MGAT4C: variants seen among roughly 807,000 people sequenced by gnomAD.
MGAT4C encodes alpha-1,3-mannosyl-glycoprotein 4-beta-N-acetylglucosaminyltransferase C.
In MGAT4C, 19 loss-of-function variants were observed where a neutral mutation model predicts 40.1. The ratio of observed to expected loss-of-function variants is 0.47; its 90% CI spans 0.33 to 0.70. The LOEUF (loss-of-function observed/expected upper bound fraction) is 0.70, where lower values mean the gene tolerates loss of function less well. Among genes scored for constraint, MGAT4C ranks in the 30% least tolerant of loss-of-function variants. The probability of loss-of-function intolerance (pLI) is 0.02; values close to 1 mark genes in which losing one functional copy is unlikely to be tolerated. For missense variants in MGAT4C, 491 were observed against 563.2 expected (o/e 0.87, Z 1.30); for synonymous variants, 181 against 187.1 (o/e 0.97, Z 0.27).
intron 2 of MGAT4C, among the ~76,000 whole-genome samples, chr12:86,556,817 T>C (rs1959633634): frequency 6.6e-6 from 1 of 152,166 alleles, no homozygotes; most frequent in Admixed American, 6.5e-5. Context: ...TCCTAATGAA[T>C]GAATACTGCA....
intron 2 of MGAT4C, among the ~76,000 whole-genome samples, chr12:86,638,401 T>A (rs1963284661): frequency 6.6e-6 from 1 of 151,838 alleles, no homozygotes; most frequent in South Asian, 2.1e-4. Context: ...CTATTCAAAT[T>A]CACATTTTGA....
intron 1 of MGAT4C, among the ~76,000 whole-genome samples, chr12:86,143,510 A>C (rs1883129106): frequency 6.6e-6 from 1 of 151,846 alleles, no homozygotes; most frequent in Non-Finnish European, 1.5e-5. Flanking sequence ...GGGAGAAAGA[A>C]AGACTAACTC....
intron 1 of MGAT4C, among the ~76,000 whole-genome samples, chr12:86,114,864 TA>T (rs1878123921): frequency 6.6e-6 from 1 of 151,878 alleles, no homozygotes; most frequent in Non-Finnish European, 1.5e-5. Flanking sequence ...CCTAAGGAAA[TA>T]ATGTGACGTT....
intron 2 of MGAT4C, among the ~76,000 whole-genome samples, chr12:86,550,240 C>A (rs997664466): frequency 2.0e-5 from 3 of 152,178 alleles, no homozygotes; most frequent in Non-Finnish European, 4.4e-5. Context: ...AAACCTCTTT[C>A]CTTTATAAAC....
At chr12:86,537,058 G>A (rs913059832) in intron 2 of MGAT4C, among the ~76,000 whole-genome samples, 1 of 152,166 alleles carries the variant, frequency 6.6e-6, no homozygotes, top group Non-Finnish European at 1.5e-5. Flanking sequence ...ATGAGTTCAT[G>A]TCCTTTGTAG....
intron 3 of MGAT4C, among the ~76,000 whole-genome samples, chr12:86,351,625 C>A (rs74860767): frequency 0.027 from 4,063 of 151,902 alleles, 153 homozygotes; most frequent in African/African-American, 0.086. Flanking sequence ...TGGTAATTAA[C>A]CCTGAGGAAT....
chr12:86,595,480 GAGA>G (rs1565872805), intron 2 of MGAT4C, among the ~76,000 whole-genome samples: 1 of 150,348 alleles, frequency 6.7e-6, no homozygotes. Flanking sequence ...GCAGTGAGCA[GAGA>G]TTGTACCACT....
chr12:86,827,385 T>C lies in MGAT4C; in HGVS notation c.-262+11281A>G, dbSNP rs185050680. Among the ~76,000 whole-genome samples the C allele has an allele frequency of 2.1e-3, 320 of 151,616 alleles. 1 individual carries two copies. The highest frequency in any genetic ancestry group is 3.4e-3 in the Non-Finnish European group (230 of 67,622). On this transcript the variant is annotated intron_variant, in intron 1 of 7. Transcript: ENST00000548651. ...TAGACACTATTTTTTCTTTACACTT[T>C]CCTGAATATTTCCTACTGAGTTTTT...
At chr12:86,511,748 C>A (rs1958591603) in intron 2 of MGAT4C, among the ~76,000 whole-genome samples, 1 of 151,992 alleles carries the variant, frequency 6.6e-6, no homozygotes, top group Non-Finnish European at 1.5e-5. Flanking sequence ...CAAGTCAATG[C>A]AAGATGGATT....
chr12:86,143,233 G>A (rs1883081370), intron 1 of MGAT4C, among the ~76,000 whole-genome samples: 1 of 152,174 alleles, frequency 6.6e-6, no homozygotes. Context: ...ACATAGTGAA[G>A]CCAGATGACA....
At chr12:86,778,150 C>T (rs11104083) in intron 1 of MGAT4C, among the ~76,000 whole-genome samples, 5,216 of 152,074 alleles carry the variant, frequency 0.034, 139 homozygotes, top group Non-Finnish European at 0.048. Flanking sequence ...ATAATACTCT[C>T]GTAAGCAAGA....
chr12:86,190,212 C>T (rs1217176488), intron 1 of MGAT4C, among the ~76,000 whole-genome samples: 1 of 151,930 alleles, frequency 6.6e-6, no homozygotes, highest in Non-Finnish European at 1.5e-5. Flanking sequence ...TTTTATTACA[C>T]CAGGGATTAC....
intron 4 of MGAT4C, among the ~76,000 whole-genome samples, chr12:86,303,685 G>A (rs1054000274): frequency 2.0e-5 from 3 of 149,802 alleles, no homozygotes; most frequent in African/African-American, 7.6e-5. Context: ...TAGTAATGAA[G>A]GCTATTATAT....
intron 1 of MGAT4C, among the ~76,000 whole-genome samples, chr12:86,217,914 T>G (rs1469281569): frequency 6.6e-6 from 1 of 152,112 alleles, no homozygotes; most frequent in Non-Finnish European, 1.5e-5. Context: ...AGAAGAATCT[T>G]GTGAAAGGAA....
chr12:86,612,757 A>T (rs993428168), intron 2 of MGAT4C, among the ~76,000 whole-genome samples: 2 of 151,634 alleles, frequency 1.3e-5, no homozygotes, highest in East Asian at 3.9e-4. Flanking sequence ...AAAAAAAAAA[A>T]AAAAGTAGAT....
intron 3 of MGAT4C, among the ~76,000 whole-genome samples, chr12:86,411,320 C>T (rs1011697223): frequency 9.2e-5 from 14 of 152,258 alleles, no homozygotes; most frequent in Admixed American, 6.5e-4. Context: ...ATTAAATAAT[C>T]GTGACCAAAA....
intron 1 of MGAT4C, among the ~76,000 whole-genome samples, chr12:86,814,886 C>G (rs1952569486): frequency 6.6e-6 from 1 of 151,992 alleles, no homozygotes; most frequent in Non-Finnish European, 1.5e-5. Context: ...TGATCTTGGA[C>G]TTTCCAGCTC....
intron 1 of MGAT4C, among the ~76,000 whole-genome samples, chr12:86,201,548 A>C (rs567709000): frequency 2.0e-5 from 3 of 150,206 alleles, no homozygotes; most frequent in African/African-American, 7.3e-5. Context: ...TTATGTAGTT[A>C]TATATTAAAT....
In MGAT4C at chr12:86,212,095, T is replaced by A. The variant is rs1016319490; in HGVS notation, c.-57+44144A>T. ...AAATTCAAAGAGTATAGCCCTAGAATCATCATTACTTTATGGCTGGTGTGG... is the reference window on the plus strand; with the variant it reads ...AAATTCAAAGAGTATAGCCCTAGAAACATCATTACTTTATGGCTGGTGTGG... On this transcript the variant is annotated intron_variant, in intron 1 of 4. Transcript: ENST00000611864. Among the ~76,000 whole-genome samples the A allele has an allele frequency of 7.2e-5, 11 of 152,150 alleles. 1 individual carries two copies. The highest frequency in any genetic ancestry group is 1.3e-4 in the Non-Finnish European group (9 of 68,022).
Sources: gnomAD v4.1 joint callset for allele counts (sites outside exome capture counted in the v4.1 genomes callset) on GRCh38, gnomAD v4.1.1 for gene constraint, MANE v1.5 for transcripts, NCBI Gene and HGNC (gene_info 2026-07-23, HGNC 2026-07-21) for gene names.